The following UTY variants were observed in gnomAD, a reference collection of about 807,000 sequenced individuals.
UTY encodes the protein histone demethylase UTY.
Under a neutral mutation model 32.5 loss-of-function variants are expected in UTY, and 12 were observed. That is an observed-to-expected ratio of 0.37 (90% confidence interval 0.24 to 0.60). The LOEUF (loss-of-function observed/expected upper bound fraction) is 0.60. Ranked by LOEUF, UTY falls within the 20% of genes least tolerant of loss-of-function variation. The pLI is 0.69. For synonymous variants in UTY, 131 were observed against 103.4 expected (o/e 1.27, Z -1.62); for missense variants, 303 against 299.2 (o/e 1.01, Z -0.09).
At chrY:13,237,692 C>T in intron 28 of UTY, among the ~76,000 whole-genome samples, 3 of 33,544 alleles carry the variant, frequency 8.9e-5, no homozygotes, top group Admixed American at 2.7e-4. Context: ...CTCTTTGGAA[C>T]ATCATCCCAA....
At chrY:13,274,673 C>T in intron 27 of UTY, among the ~76,000 whole-genome samples, 7 of 30,318 alleles carry the variant, frequency 2.3e-4, no homozygotes, top group African/African-American at 7.8e-4. Flanking sequence ...ATCCCAGCTA[C>T]GAGGGACGCT....
intron 8 of UTY, among the ~76,000 whole-genome samples, chrY:13,392,307 T>C (rs948312525): frequency 8.9e-5 from 3 of 33,848 alleles, no homozygotes; most frequent in African/African-American, 3.5e-4. Context: ...TTCATGACAC[T>C]CATGTAAAAA....
chrY:13,287,624 A>G, intron 27 of UTY, among the ~76,000 whole-genome samples: 1 of 33,063 alleles, frequency 3.0e-5, no homozygotes, highest in Non-Finnish European at 7.4e-5. Context: ...TCACACACAC[A>G]CAAAAAAAGT....
chrY:13,429,296 T>G, intron 4 of UTY, among the ~76,000 whole-genome samples: 1 of 33,700 alleles, frequency 3.0e-5, no homozygotes, highest in South Asian at 6.5e-4. Flanking sequence ...GGATGTTGGC[T>G]GCGAGTCTGT....
intron 2 of UTY, among the ~76,000 whole-genome samples, chrY:13,475,109 C>A: frequency 2.9e-5 from 1 of 34,038 alleles, no homozygotes; most frequent in Non-Finnish European, 7.3e-5. Flanking sequence ...CATAAGCTAA[C>A]CTTTACTGTG....
intron 27 of UTY, among the ~76,000 whole-genome samples, chrY:13,277,407 C>T: frequency 1.8e-4 from 6 of 33,516 alleles, no homozygotes; most frequent in Admixed American, 2.7e-4. Flanking sequence ...TATTTACACA[C>T]GAAAGCACCT....
downstream of UTY, chrY:13,248,320 A>C: frequency 3.0e-5 from 1 of 33,866 alleles, no homozygotes; most frequent in Admixed American, 2.7e-4. Context: ...TTCTTCACTA[A>C]AGTTCTCTGG....
At chrY:13,234,601 G>T (rs949667999) in exon 29 of UTY, 1 of 133,590 alleles carries the variant, frequency 7.5e-6, no homozygotes, top group Admixed American at 1.0e-4. Flanking sequence ...ACAAAGAGAA[G>T]CTTTATTGAG....
chrY:13,352,198 C>T, intron 17 of UTY, among the ~76,000 whole-genome samples: 1 of 33,450 alleles, frequency 3.0e-5, no homozygotes, highest in East Asian at 7.7e-4. Flanking sequence ...AATTAGGCCA[C>T]CTAATAAACC....
intron 7 of UTY, among the ~76,000 whole-genome samples, chrY:13,395,903 GTTTTTTT>G (rs1368341749): frequency 8.4e-5 from 1 of 11,960 alleles, no homozygotes; most frequent in East Asian, 2.3e-3. Context: ...TCATCCTTCT[GTTTTTTT>G]TTTTTTTTTT....
At chrY:13,447,276 A>G (rs2076001748) in intron 4 of UTY, among the ~76,000 whole-genome samples, 1 of 33,034 alleles carries the variant, frequency 3.0e-5, no homozygotes, top group Non-Finnish European at 7.4e-5. Context: ...AACCTTTAAC[A>G]TTTATGGTAA....
chrY:13,335,538 T>C, intron 18 of UTY, 25 bp downstream of exon 18: 1 of 396,178 alleles, frequency 2.5e-6, no homozygotes, highest in Non-Finnish European at 3.6e-6. Flanking sequence ...CATTTTCATT[T>C]TGTGAAGAAT....
At chrY:13,380,709 GA>G (rs2066036251) in intron 8 of UTY, among the ~76,000 whole-genome samples, 1 of 30,766 alleles carries the variant, frequency 3.3e-5, no homozygotes, top group Non-Finnish European at 7.9e-5. Flanking sequence ...AAACTAGAAG[GA>G]AAAAAAATTA....
intron 2 of UTY, 149 bp downstream of exon 2, chrY:13,479,105 A>G: frequency 6.2e-6 from 1 of 161,127 alleles, no homozygotes; most frequent in Non-Finnish European, 1.1e-5. Context: ...GAAGTATTCC[A>G]GAGTACGGGG....
intron 24 of UTY, among the ~76,000 whole-genome samples, chrY:13,305,130 T>C: frequency 3.1e-5 from 1 of 32,448 alleles, no homozygotes; most frequent in East Asian, 7.9e-4. Flanking sequence ...CTGAAAAACA[T>C]TGTTAACCTG....
chrY:13,283,589 G>A (rs2057169511), intron 27 of UTY, among the ~76,000 whole-genome samples: 1 of 33,289 alleles, frequency 3.0e-5, no homozygotes, highest in Non-Finnish European at 7.4e-5. Context: ...CCATCAGAAG[G>A]AAGCTTGGAC....
At chrY:13,301,984 A>G in intron 25 of UTY, among the ~76,000 whole-genome samples, 1 of 34,248 alleles carries the variant, frequency 2.9e-5, no homozygotes, top group East Asian at 7.5e-4. Flanking sequence ...ACTTTTTACC[A>G]AATAAAATGT....
intron 4 of UTY, among the ~76,000 whole-genome samples, chrY:13,427,205 A>G (rs921223824): frequency 3.0e-5 from 1 of 33,881 alleles, no homozygotes; most frequent in Non-Finnish European, 7.4e-5. Context: ...CATGGACACT[A>G]CAATCAATAC....
At chrY:13,343,103 G>A in intron 17 of UTY, among the ~76,000 whole-genome samples, 2 of 33,232 alleles carry the variant, frequency 6.0e-5, no homozygotes, top group African/African-American at 1.2e-4. Flanking sequence ...GCCTTTTTAC[G>A]TGTATATCTA....
Sources: allele counts gnomAD v4.1 joint callset (sites outside exome capture counted in the v4.1 genomes callset), GRCh38; gene constraint gnomAD v4.1.1; transcripts MANE v1.5; gene names NCBI Gene and HGNC (gene_info 2026-07-23, HGNC 2026-07-21).